PGC: variants seen among roughly 807,000 people sequenced by gnomAD.
The protein encoded by PGC is progastricsin.
A neutral mutation model predicts 45.9 loss-of-function variants in PGC; 31 were observed. The observed-to-expected ratio is 0.67, with a 90% CI of 0.51 to 0.91. The LOEUF (loss-of-function observed/expected upper bound fraction) is 0.91, where lower values mean the gene tolerates loss of function less well. Ranked by LOEUF, PGC falls within the 40% of genes least tolerant of loss-of-function variation. The pLI, the probability that PGC is intolerant of heterozygous loss-of-function variation, is 0.00. For synonymous variants in PGC, 192 were observed against 201.8 expected (o/e 0.95, Z 0.41); for missense variants, 477 against 493.2 (o/e 0.97, Z 0.31).
At chr6:41,745,014 TGC>T (rs10616955) in intron 1 of PGC, among the ~76,000 whole-genome samples, 8,605 of 99,800 alleles carry the variant, frequency 0.086, 752 homozygotes, top group African/African-American at 0.21. Flanking sequence ...TGTGTGTGTG[TGC>T]GCGCGCGCGT....
Position 41,744,989 on chromosome 6 carries a change from GTCTCTC to G in PGC, c.60-187_60-182del, listed in dbSNP as rs10542589. Reference sequence around the variant, plus strand: ...TTTTGCTCTCTGTCTCTGTCTGTCTGTCTCTCTGTGTGTGTGTGTGTGTGTGCGCGC... The same window carrying G: ...TTTTGCTCTCTGTCTCTGTCTGTCTGTGTGTGTGTGTGTGTGTGTGCGCGC... On this transcript the variant is annotated intron_variant, in intron 1 of 8. Coordinates refer to ENST00000373025, the MANE Select transcript of PGC (RefSeq NM_002630.4). This position sits in a 1 kb window ranked among gnomAD's most constrained non-coding sequence, Gnocchi z 4.4. 6.2e-5 allele frequency among the ~76,000 whole-genome samples: 5 copies of G among 81,004 alleles called. No homozygotes were observed. Among genetic ancestry groups the G allele is most frequent in the East Asian group, 5.6e-4 (2 of 3,574 alleles). 53.1% of individuals were successfully genotyped at this position (81,004 alleles called of 152,430 possible).
chr6:41,740,348 G>A (rs1771798549), intron 6 of PGC, 143 bp downstream of exon 6: 1 of 1,079,452 alleles, frequency 9.3e-7, no homozygotes, highest in South Asian at 1.7e-5. Context: ...CCCCTGCAGA[G>A]GACAGTTGTG....
chr6:41,738,193 T>TATATATATACATATATATAC (rs1561879810), intron 7 of PGC, among the ~76,000 whole-genome samples: 6 of 35,340 alleles, frequency 1.7e-4, no homozygotes, highest in African/African-American at 3.8e-4. Flanking sequence ...TATATATGCA[T>TATATATATACATATATATAC]ATATATATGC....
intron 8 of PGC, 107 bp downstream of exon 8, chr6:41,737,623 G>C (rs190134385): frequency 1.5e-6 from 1 of 680,872 alleles, no homozygotes; most frequent in Non-Finnish European, 2.7e-6. Flanking sequence ...GAGTACAAGC[G>C]TGGAGTCGGA....
At chr6:41,742,727 C>T (rs1189922571) in intron 4 of PGC, among the ~76,000 whole-genome samples, 2 of 152,192 alleles carry the variant, frequency 1.3e-5, no homozygotes, top group Non-Finnish European at 2.9e-5. Flanking sequence ...CTGGTTCTAG[C>T]GATTCTCCTG....
chr6:41,747,320 C>CA lies in PGC; in HGVS notation c.14dup (p.Val6GlyfsTer22), dbSNP rs1561883547. On this transcript the variant is annotated frameshift_variant, in exon 1 of 9. Coordinates refer to ENST00000373025, the MANE Select transcript of PGC (RefSeq NM_002630.4). LOFTEE classifies it high-confidence loss of function. ...AGAGCTGGAGGCAGACCAAGACCACCACCATCCACTTCATGATGCTGGTCC... is the reference window on the plus strand; with the variant it reads ...AGAGCTGGAGGCAGACCAAGACCACCAACCATCCACTTCATGATGCTGGTCC... 6.2e-7 allele frequency: 1 copy of CA among 1,614,046 alleles called. No individual in the cohort carries two copies. Among genetic ancestry groups the CA allele is most frequent in the Non-Finnish European group, 8.5e-7 (1 of 1,179,932 alleles).
intron 8 of PGC, 38 bp from the exon 9 acceptor site, chr6:41,737,042 C>A: frequency 6.3e-7 from 1 of 1,584,504 alleles, no homozygotes; most frequent in South Asian, 1.2e-5. Flanking sequence ...TTCATTTGTC[C>A]ACACATGAGC....
chr6:41,743,429 G>T, intron 3 of PGC, 40 bp from the exon 4 acceptor site: 1 of 1,280,604 alleles, frequency 7.8e-7, no homozygotes, highest in Non-Finnish European at 1.1e-6. Flanking sequence ...GGCCGGCTGG[G>T]GCAGGGCTGC....
chr6:41,742,202 C>T (rs1317031674), intron 5 of PGC, 88 bp downstream of exon 5: 3 of 1,249,456 alleles, frequency 2.4e-6, no homozygotes, highest in East Asian at 4.6e-5. Flanking sequence ...TGCCTCCAAA[C>T]CCCAAAGCAT....
intron 7 of PGC, 27 bp downstream of exon 7, chr6:41,739,772 G>A (rs778073554): frequency 6.3e-7 from 1 of 1,591,550 alleles, no homozygotes; most frequent in African/African-American, 1.3e-5. Context: ...GCCTCCTGGG[G>A]AAGAGAGACA....
At chr6:41,743,193 G>A (rs1035133924) in intron 4 of PGC, 78 bp downstream of exon 4, 16 of 880,222 alleles carry the variant, frequency 1.8e-5, no homozygotes, top group Non-Finnish European at 2.7e-5. Context: ...ATTCCACCGT[G>A]TTTCAGGAGA....
rs1289921311 is a variant in PGC at position 41,739,798 on chromosome 6, C to T, written c.915+1G>A. ...AAGAGAGACACCCTCACCAGTCACA[C>T]CTGTCCATACTCATCCTCCTGGGCC... On this transcript the variant is annotated splice_donor_variant, in intron 7 of 8. Transcript: ENST00000373025. LOFTEE classifies it high-confidence loss of function. The T allele has an allele frequency of 6.2e-7, 1 of 1,611,560 alleles. No individual in the cohort carries two copies. Among genetic ancestry groups the T allele is most frequent in the Non-Finnish European group, 8.5e-7 (1 of 1,178,704 alleles).
chr6:41,742,559 ACTC>A, intron 4 of PGC, 70 bp from the exon 5 acceptor site: 1 of 1,137,526 alleles, frequency 8.8e-7, no homozygotes, highest in Non-Finnish European at 1.3e-6. Context: ...TCCCCTAGAG[ACTC>A]CTCAAGCCTC....
At chr6:41,738,632 C>T (rs1346407573) in intron 7 of PGC, among the ~76,000 whole-genome samples, 1 of 145,048 alleles carries the variant, frequency 6.9e-6, no homozygotes. Flanking sequence ...TGTCTCAAAA[C>T]AACAATAACA....
At chr6:41,738,937 G>A (rs1771771274) in intron 7 of PGC, among the ~76,000 whole-genome samples, 1 of 151,998 alleles carries the variant, frequency 6.6e-6, no homozygotes, top group Non-Finnish European at 1.5e-5. Context: ...TCCAGCCTGG[G>A]CGACAGAGAG....
chr6:41,743,715 A>G (rs2127291654), intron 3 of PGC, among the ~76,000 whole-genome samples: 1 of 152,314 alleles, frequency 6.6e-6, no homozygotes, highest in South Asian at 2.1e-4. Context: ...GTAATTACTC[A>G]TCAGATGAAG....
intron 5 of PGC, chr6:41,741,849 A>G (rs1224915882): frequency 6.5e-7 from 1 of 1,533,308 alleles, no homozygotes; most frequent in Non-Finnish European, 8.7e-7. Flanking sequence ...CCAGGCTAGA[A>G]CAATAGATAA....
intron 1 of PGC, among the ~76,000 whole-genome samples, chr6:41,746,310 C>T (rs1220374673): frequency 6.6e-6 from 1 of 152,232 alleles, no homozygotes; most frequent in Non-Finnish European, 1.5e-5. Flanking sequence ...GACACAGAGT[C>T]CTAGTTCTGT....
intron 5 of PGC, among the ~76,000 whole-genome samples, chr6:41,741,392 TC>T (rs779962576): frequency 2.0e-5 from 3 of 152,292 alleles, no homozygotes; most frequent in Admixed American, 6.5e-5. Context: ...ACACCTGTAA[TC>T]CCAACACTTT....
Sources: gnomAD v4.1 joint callset for allele counts (sites outside exome capture counted in the v4.1 genomes callset) on GRCh38, gnomAD v4.1.1 for gene constraint, Gnocchi (gnomAD v3.1) non-coding constraint, MANE v1.5 for transcripts, NCBI Gene and HGNC (gene_info 2026-07-23, HGNC 2026-07-21) for gene names.